The following MAP3K3 variants were observed in gnomAD, a reference collection of about 807,000 sequenced individuals.
MAP3K3 encodes the protein mitogen-activated protein kinase kinase kinase 3, also known as MAP/ERK kinase kinase 3.
In MAP3K3, 12 loss-of-function variants were observed where a neutral mutation model predicts 80.9. That is an observed-to-expected ratio of 0.15 (90% confidence interval 0.10 to 0.24). The LOEUF (loss-of-function observed/expected upper bound fraction) is 0.24, where lower values mean the gene tolerates loss of function less well. Among genes scored for constraint, MAP3K3 ranks in the 10% least tolerant of loss-of-function variants. The pLI is 1.00. For synonymous variants in MAP3K3, 272 were observed against 307.1 expected, an observed-to-expected ratio of 0.89 and a Z score of 1.19; for missense variants, 596 against 834.7, an observed-to-expected ratio of 0.71 and a Z score of 3.52.
At chr17:63,656,360 T>G (rs1182278567) in intron 4 of MAP3K3, among the ~76,000 whole-genome samples, 1 of 151,968 alleles carries the variant, frequency 6.6e-6, no homozygotes, top group Non-Finnish European at 1.5e-5. Context: ...CCCACCAGTT[T>G]GGTAGGCTGA....
rs115326714 is a variant in MAP3K3 at position 63,659,823 on chromosome 17, C to T, written c.381+1916C>T. Among the ~76,000 whole-genome samples the T allele has an allele frequency of 8.4e-3, 1,275 of 152,062 alleles. 21 individuals are homozygous for T. Among genetic ancestry groups the T allele is most frequent in the African/African-American group, 0.029 (1,199 of 41,472 alleles). On this transcript the variant is annotated intron_variant, in intron 5 of 15. Coordinates refer to ENST00000361733, the MANE Select transcript of MAP3K3 (RefSeq NM_002401.5). ...TGGGACAGGCATGAGCCACTGTGCC[C>T]GGCCGTACCAGTTCTTTTTTTAAAT...
chr17:63,673,676 C>T (rs1238677681), intron 6 of MAP3K3, among the ~76,000 whole-genome samples: 1 of 152,068 alleles, frequency 6.6e-6, no homozygotes, highest in Non-Finnish European at 1.5e-5. Context: ...TTTGGGAGGC[C>T]AAGGCGGGCA....
intron 3 of MAP3K3, among the ~76,000 whole-genome samples, chr17:63,649,168 G>A (rs1261206792): frequency 6.6e-6 from 1 of 152,156 alleles, no homozygotes; most frequent in Non-Finnish European, 1.5e-5. Context: ...CAGGTACAGA[G>A]GCTCACGCCT....
In MAP3K3 at chr17:63,681,875, C is replaced by T; in HGVS notation, c.612C>T (p.Phe204=). The T allele has an allele frequency of 1.3e-6, 2 of 1,507,108 alleles. No homozygotes were observed. The highest frequency in any genetic ancestry group is 1.8e-6 in the Non-Finnish European group (2 of 1,119,638). The allele number at this position is 1,507,108 out of a possible 1,614,324, so 93.4% of individuals were successfully genotyped here. A position where few individuals can be genotyped will look rare whatever the true frequency, so the allele number is the denominator to read the frequency against. The change falls in exon 7 of 16, where the codon TTC becomes TTT. Residue 204 remains phenylalanine (F), a synonymous_variant. Transcript: ENST00000361733. ...SYTSINSEGE[F]IPETSEQCML... Reference sequence around the variant, plus strand: ...CCAGCATCAACAGTGAGGGGGAGTTCATCCCAGAGACCAGCGAGCAGTGCG... The same window carrying T: ...CCAGCATCAACAGTGAGGGGGAGTTTATCCCAGAGACCAGCGAGCAGTGCG...
In MAP3K3 at chr17:63,691,082, AC is replaced by A. The variant is rs1568156178; in HGVS notation, c.1213-18del. On this transcript the variant is annotated intron_variant, in intron 12 of 15. Coordinates refer to ENST00000361733, the MANE Select transcript of MAP3K3 (RefSeq NM_002401.5). The surrounding 1 kb of genome is among the most constrained non-coding windows in gnomAD (Gnocchi z 4.8). The stretch of plus-strand genomic sequence containing the variant: ...AACTAGGGCCCTGAGAGCTGAGGCG[AC>A]CACTGACCCCTCCCCTAGGAGGTGA... The A allele has an allele frequency of 5.0e-6, 8 of 1,613,490 alleles. No individual in the cohort carries two copies. Among genetic ancestry groups the A allele is most frequent in the Non-Finnish European group, 6.8e-6 (8 of 1,179,860 alleles).
intron 6 of MAP3K3, among the ~76,000 whole-genome samples, chr17:63,681,304 T>C (rs1185923434): frequency 1.3e-5 from 2 of 151,920 alleles, no homozygotes; most frequent in Admixed American, 6.6e-5. Context: ...TGCACAGGTA[T>C]ATTCAGTTAC....
chr17:63,640,061 T>C (rs1435797356), intron 2 of MAP3K3, among the ~76,000 whole-genome samples: 1 of 152,048 alleles, frequency 6.6e-6, no homozygotes, highest in East Asian at 1.9e-4. Flanking sequence ...AAGGAAAGAA[T>C]CAAGCATTAC....
chr17:63,631,677 A>G lies in MAP3K3; in HGVS notation c.5-1004A>G, dbSNP rs139379966. Reference sequence around the variant, plus strand: ...TCTGGGTTTTGGCCAGTTGTTTTCAATGTATGAGAACTCTAGTACTCCATG... The same window carrying G: ...TCTGGGTTTTGGCCAGTTGTTTTCAGTGTATGAGAACTCTAGTACTCCATG... On this transcript the variant is annotated intron_variant, in intron 1 of 15. Coordinates refer to ENST00000361733, the MANE Select transcript of MAP3K3 (RefSeq NM_002401.5). 6.8e-3 allele frequency among the ~76,000 whole-genome samples: 1,039 copies of G among 152,338 alleles called. 17 individuals are homozygous for G. The highest frequency in any genetic ancestry group is 0.024 in the African/African-American group (985 of 41,568).
chr17:63,657,745 A>G, intron 4 of MAP3K3, 49 bp from the exon 5 acceptor site: 1 of 796,200 alleles, frequency 1.3e-6, no homozygotes. Context: ...AAACATTGAG[A>G]TAAACTTCTG....
rs1270017906 is a variant in MAP3K3, at chr17:63,666,928, C to G, written c.382-12C>G. On this transcript the variant is annotated splice_polypyrimidine_tract_variant and intron_variant, in intron 5 of 15. Coordinates refer to ENST00000361733, the MANE Select transcript of MAP3K3 (RefSeq NM_002401.5). ...AAAGATGTAGCTTGGCCTTTTTCCT[C>G]TTCTTTTACAGAACAGTTCCTCTCC... The G allele has an allele frequency of 6.2e-7, 1 of 1,612,096 alleles. No homozygotes were observed. The highest frequency in any genetic ancestry group is 2.2e-5 in the East Asian group (1 of 44,760).
At chr17:63,650,944 A>G (rs1451881573) in intron 3 of MAP3K3, among the ~76,000 whole-genome samples, 1 of 152,036 alleles carries the variant, frequency 6.6e-6, no homozygotes, top group Non-Finnish European at 1.5e-5. Flanking sequence ...CGAGCCTCCT[A>G]CCTTGGCCTC....
In MAP3K3 at chr17:63,693,440, T is replaced by C. The variant is rs1598128705; in HGVS notation, c.1653-109T>C. ...CTGAGGTATCCCTCAGCTTGGCCTG[T>C]CCTGCACCTCAGCTTGCTGTGAGAA... On this transcript the variant is annotated intron_variant, in intron 15 of 15. Coordinates refer to ENST00000361733, the MANE Select transcript of MAP3K3 (RefSeq NM_002401.5). The surrounding 1 kb of genome is among the most constrained non-coding windows in gnomAD (Gnocchi z 4.2). The C allele has an allele frequency of 1.0e-6, 1 of 963,394 alleles. No homozygotes were observed. The highest frequency in any genetic ancestry group is 2.6e-5 in the East Asian group (1 of 38,620). 59.7% of individuals were successfully genotyped at this position (963,394 alleles called of 1,614,324 possible). A position where few individuals can be genotyped will look rare whatever the true frequency, so the allele number is the denominator to read the frequency against.
rs1445641639 is a variant in MAP3K3, at chr17:63,690,328, C to G, written c.1128C>G (p.Val376=). Reference sequence around the variant, plus strand: ...TGGGCCAGGGTGCCTTCGGCAGGGTCTATTTGTGCTATGACGTGGACACGG... The same window carrying G: ...TGGGCCAGGGTGCCTTCGGCAGGGTGTATTTGTGCTATGACGTGGACACGG... ...KLLGQGAFGR[V]YLCYDVDTGR... Residue 376 remains valine (V), a synonymous_variant, in exon 12 of 16, where the codon GTC becomes GTG. Transcript: ENST00000361733. 1 of 1,614,202 alleles carries G rather than the reference C, an allele frequency of 6.2e-7. No individual in the cohort carries two copies. The highest frequency in any genetic ancestry group is 1.1e-5 in the South Asian group (1 of 91,080).
At chr17:63,662,682 G>C (rs2034918471) in intron 5 of MAP3K3, among the ~76,000 whole-genome samples, 1 of 131,286 alleles carries the variant, frequency 7.6e-6, no homozygotes, top group Admixed American at 7.9e-5. Context: ...TTTTGGGATG[G>C]AGTCTCACTC....
chr17:63,676,918 A>G (rs1021201967), intron 6 of MAP3K3, among the ~76,000 whole-genome samples: 1 of 152,254 alleles, frequency 6.6e-6, no homozygotes, highest in Admixed American at 6.5e-5. Context: ...GCATGTGATT[A>G]GCTGAATCTA....
intron 2 of MAP3K3, among the ~76,000 whole-genome samples, chr17:63,638,123 T>C (rs2034369090): frequency 6.6e-6 from 1 of 152,226 alleles, no homozygotes; most frequent in Admixed American, 6.5e-5. Context: ...CACACAAGCC[T>C]GGCATTATAT....
In MAP3K3 at chr17:63,688,868, G is replaced by A; in HGVS notation, c.858G>A (p.Lys286=). Residue 286 remains lysine (K), a synonymous_variant, in exon 10 of 16, where the codon AAG becomes AAA. Transcript: ENST00000361733. The part of the protein sequence containing the change: ...PRRYHVSVHH[K]DYSDGRRTFP... ...GCTACCACGTGTCTGTGCACCACAA[G>A]GACTACAGTGATGGTGAGTTCTTCT... 1 of 1,613,530 alleles carries A rather than the reference G, an allele frequency of 6.2e-7. No homozygotes were observed. The highest frequency in any genetic ancestry group is 1.7e-5 in the Admixed American group (1 of 60,020).
chr17:63,646,885 C>T (rs527634423), intron 3 of MAP3K3, among the ~76,000 whole-genome samples: 6 of 152,258 alleles, frequency 3.9e-5, no homozygotes, highest in Admixed American at 2.0e-4. Context: ...ATGTGCCTTT[C>T]GGTGTTTTTT....
chr17:63,666,451 T>C (rs1045538535), intron 5 of MAP3K3, among the ~76,000 whole-genome samples: 1 of 152,106 alleles, frequency 6.6e-6, no homozygotes. Flanking sequence ...CTGGGCAACA[T>C]AGCAAGACTC....
Sources: gnomAD v4.1 joint callset for allele counts (sites outside exome capture counted in the v4.1 genomes callset) on GRCh38, gnomAD v4.1.1 for gene constraint, Gnocchi (gnomAD v3.1) non-coding constraint, MANE v1.5 for transcripts, NCBI Gene and HGNC (gene_info 2026-07-23, HGNC 2026-07-21) for gene names.